The following CACUL1 variants were observed in gnomAD, a reference collection of about 807,000 sequenced individuals.
CACUL1 encodes CDK2-associated and cullin domain-containing protein 1.
CACUL1 carries 13 observed loss-of-function variants against 45.2 expected under a neutral mutation model. The ratio of observed to expected loss-of-function variants is 0.29; its 90% CI spans 0.19 to 0.46. The LOEUF is 0.46. CACUL1 is among the 20% of genes least tolerant of loss of function. The pLI is 1.00. For synonymous variants in CACUL1, 197 were observed against 174.2 expected, an observed-to-expected ratio of 1.13 and a Z score of -1.03; for missense variants, 421 against 471.4, an observed-to-expected ratio of 0.89 and a Z score of 0.99.
rs774776169 is a variant in CACUL1 at position 118,713,243 on chromosome 10, C to T, written c.598-5656G>A. Reference sequence around the variant, plus strand: ...TTTGCTCCAAGATCAGAGTCAGTGCCGACAACTTGGAGAAGCCAGGCAGTA... The same window carrying T: ...TTTGCTCCAAGATCAGAGTCAGTGCTGACAACTTGGAGAAGCCAGGCAGTA... On this transcript the variant is annotated intron_variant, in intron 3 of 8. Coordinates refer to ENST00000369151, the MANE Select transcript of CACUL1 (RefSeq NM_153810.5). 3.9e-5 allele frequency among the ~76,000 whole-genome samples: 6 copies of T among 152,328 alleles called. No individual in the cohort carries two copies. In the East Asian group the frequency reaches 5.8e-4, roughly 15 times the overall value.
At chr10:118,735,981 T>C (rs531375326) in intron 1 of CACUL1, among the ~76,000 whole-genome samples, 20 of 152,148 alleles carry the variant, frequency 1.3e-4, no homozygotes, top group African/African-American at 4.6e-4. Context: ...AGAAAAATGA[T>C]GACTTTTTGT....
intron 5 of CACUL1, among the ~76,000 whole-genome samples, chr10:118,699,781 G>C (rs564033099): frequency 8.5e-5 from 13 of 152,174 alleles, no homozygotes; most frequent in African/African-American, 3.1e-4. Context: ...AAGTAGCTGG[G>C]ACTACAGGCG....
chr10:118,743,632 G>A (rs965023656), intron 1 of CACUL1, among the ~76,000 whole-genome samples: 2 of 152,126 alleles, frequency 1.3e-5, no homozygotes, highest in Admixed American at 6.5e-5. Context: ...AGGAGGCTGA[G>A]GCAGGAGAAT....
chr10:118,747,507 AC>A (rs1456474560), intron 1 of CACUL1, among the ~76,000 whole-genome samples: 2 of 148,056 alleles, frequency 1.4e-5, no homozygotes, highest in Non-Finnish European at 3.0e-5. Flanking sequence ...CAACCTAATG[AC>A]CAACAAATTA....
At chr10:118,726,075 T>G (rs1845649212) in intron 3 of CACUL1, among the ~76,000 whole-genome samples, 1 of 151,942 alleles carries the variant, frequency 6.6e-6, no homozygotes, top group African/African-American at 2.4e-5. Context: ...TCCCACGCTC[T>G]TATTTTGGCT....
chr10:118,701,724 GACA>G (rs1452901239), intron 4 of CACUL1, among the ~76,000 whole-genome samples: 2 of 152,126 alleles, frequency 1.3e-5, no homozygotes, highest in Non-Finnish European at 2.9e-5. Context: ...ATCACCAAAA[GACA>G]ACATGAGAAA....
chr10:118,686,313 T>G (rs780751193), intron 8 of CACUL1, 145 bp from the exon 9 acceptor site: 45 of 713,854 alleles, frequency 6.3e-5, no homozygotes, highest in Admixed American at 1.2e-4. Flanking sequence ...CCATGTGGGG[T>G]GGAGGGAAGT....
intron 5 of CACUL1, among the ~76,000 whole-genome samples, chr10:118,700,716 CAAAAAAA>C (rs59032746): frequency 1.5e-5 from 2 of 132,946 alleles, no homozygotes; most frequent in South Asian, 2.3e-4. Flanking sequence ...GACTCCGTCT[CAAAAAAA>C]AAAAAAAAAA....
intron 5 of CACUL1, among the ~76,000 whole-genome samples, chr10:118,699,730 C>T (rs530594744): frequency 3.3e-5 from 5 of 152,130 alleles, no homozygotes; most frequent in Non-Finnish European, 5.9e-5. Flanking sequence ...CTGCAAGCTC[C>T]GCATCCCGGG....
intron 4 of CACUL1, among the ~76,000 whole-genome samples, chr10:118,706,456 T>G (rs780705073): frequency 9.9e-5 from 15 of 152,198 alleles, no homozygotes; most frequent in Non-Finnish European, 2.1e-4. Context: ...TAGCCCATGA[T>G]AGGATTTCAC....
At chr10:118,691,866 CAAAAA>C (rs754241223) in intron 6 of CACUL1, among the ~76,000 whole-genome samples, 207 of 95,404 alleles carry the variant, frequency 2.2e-3, no homozygotes, top group African/African-American at 9.8e-3. Flanking sequence ...GACTCCGTCT[CAAAAA>C]AAAAAAAAAA....
At chr10:118,734,376 T>C (rs1845722907) in intron 1 of CACUL1, among the ~76,000 whole-genome samples, 1 of 152,344 alleles carries the variant, frequency 6.6e-6, no homozygotes, top group South Asian at 2.1e-4. Flanking sequence ...TGAATTTTAC[T>C]TTTTAGATAA....
chr10:118,694,528 G>GA (rs143001961), intron 6 of CACUL1, among the ~76,000 whole-genome samples: 2,689 of 152,268 alleles, frequency 0.018, 75 homozygotes, highest in African/African-American at 0.061. Context: ...TAAGTTGCTA[G>GA]ACAACTCTAT....
At position 118,678,411 on chromosome 10, in the gene CACUL1, G is replaced by A. The variant is rs1845117821; in HGVS notation, c.*7717C>T. The stretch of plus-strand genomic sequence containing the variant: ...TGGCAGTAAGTGTTAGAATCTTGTA[G>A]TGCTAGTTCCCCTCACAATCCATTC... On this transcript the variant is annotated 3_prime_UTR_variant, in exon 9 of 9. Coordinates refer to ENST00000369151, the MANE Select transcript of CACUL1 (RefSeq NM_153810.5). The A allele has an allele frequency of 1.3e-5, 2 of 152,146 alleles. No individual in the cohort carries two copies. Among genetic ancestry groups the A allele is most frequent in the South Asian group, 4.1e-4 (2 of 4,824 alleles). The allele number at this position is 152,146 out of a possible 1,614,324, so 9.4% of individuals were successfully genotyped here.
chr10:118,720,309 T>C (rs2119619057), intron 3 of CACUL1, among the ~76,000 whole-genome samples: 1 of 152,266 alleles, frequency 6.6e-6, no homozygotes. Context: ...AATGGAGAAA[T>C]ATCCAAAGAA....
chr10:118,743,658 G>A (rs1845812879), intron 1 of CACUL1, among the ~76,000 whole-genome samples: 1 of 152,116 alleles, frequency 6.6e-6, no homozygotes, highest in African/African-American at 2.4e-5. Context: ...GAACCCGGGA[G>A]GTGGAGGTTG....
chr10:118,743,526 C>T (rs537078099), intron 1 of CACUL1, among the ~76,000 whole-genome samples: 2 of 152,096 alleles, frequency 1.3e-5, no homozygotes, highest in Admixed American at 6.5e-5. Flanking sequence ...GTCAGGAGTT[C>T]GAGACCAGCC....
At chr10:118,721,604 G>A (rs1396745246) in intron 3 of CACUL1, among the ~76,000 whole-genome samples, 1 of 151,940 alleles carries the variant, frequency 6.6e-6, no homozygotes, top group Non-Finnish European at 1.5e-5. Context: ...CTCCTCAACA[G>A]GACCCTGAAT....
At chr10:118,717,589 A>C (rs1342083914) in intron 3 of CACUL1, among the ~76,000 whole-genome samples, 1 of 152,222 alleles carries the variant, frequency 6.6e-6, no homozygotes, top group Non-Finnish European at 1.5e-5. Flanking sequence ...AGGTGAGAAG[A>C]ATTTCAGAGT....
Sources: gnomAD v4.1 joint callset for allele counts (sites outside exome capture counted in the v4.1 genomes callset) on GRCh38, gnomAD v4.1.1 for gene constraint, MANE v1.5 for transcripts, NCBI Gene and HGNC (gene_info 2026-07-23, HGNC 2026-07-21) for gene names.